Variants in DAB1 observed in about 807,000 individuals in gnomAD.
DAB1 encodes the protein DAB adaptor protein 1, also known as disabled homolog 1.
A neutral mutation model predicts 64.6 loss-of-function variants in DAB1; 15 were observed. The ratio of observed to expected loss-of-function variants is 0.23; its 90% confidence interval spans 0.16 to 0.36. The LOEUF is 0.36. Ranked by LOEUF, DAB1 falls within the 10% of genes least tolerant of loss-of-function variation. DAB1 has a pLI of 1.00. For missense variants in DAB1, 596 were observed against 706.7 expected (o/e 0.84, Z 1.78); for synonymous variants, 235 against 251.9 (o/e 0.93, Z 0.64).
intron 4 of DAB1, among the ~76,000 whole-genome samples, chr1:57,121,328 ACTCT>A (rs763565806): frequency 1.3e-5 from 2 of 151,742 alleles, no homozygotes; most frequent in Non-Finnish European, 2.9e-5. Flanking sequence ...TCACTCCCTC[ACTCT>A]CTCTATCAGG....
intron 4 of DAB1, among the ~76,000 whole-genome samples, chr1:57,107,503 A>G (rs1655279464): frequency 6.6e-6 from 1 of 152,134 alleles, no homozygotes; most frequent in East Asian, 1.9e-4. Context: ...AAGGAGCTCT[A>G]GAATTAAAGA....
chr1:57,515,374 G>T (rs1362575283), intron 7 of DAB1, among the ~76,000 whole-genome samples: 1 of 152,168 alleles, frequency 6.6e-6, no homozygotes, highest in East Asian at 1.9e-4. Flanking sequence ...TACCATCATG[G>T]CTGTCCTCTT....
At chr1:57,667,897 G>A (rs1342594993) in intron 6 of DAB1, among the ~76,000 whole-genome samples, 5 of 151,962 alleles carry the variant, frequency 3.3e-5, no homozygotes, top group Admixed American at 6.6e-5. Context: ...GCAAGGGGAG[G>A]GAGAGCATTA....
At chr1:58,158,879 C>A (rs1570429439) in intron 4 of DAB1, among the ~76,000 whole-genome samples, 1 of 152,194 alleles carries the variant, frequency 6.6e-6, no homozygotes, top group Admixed American at 6.5e-5. Context: ...CACATGCACA[C>A]AAGCACGCAC....
At chr1:57,895,749 T>C (rs537791371) in intron 5 of DAB1, among the ~76,000 whole-genome samples, 1 of 152,274 alleles carries the variant, frequency 6.6e-6, no homozygotes, top group Admixed American at 6.5e-5. Flanking sequence ...GAGTAAAGAA[T>C]AGAATCAAAA....
intron 5 of DAB1, among the ~76,000 whole-genome samples, chr1:57,996,068 G>C (rs1349110910): frequency 6.6e-6 from 1 of 152,056 alleles, no homozygotes; most frequent in Non-Finnish European, 1.5e-5. Context: ...AGATCAGCCT[G>C]GCCAACATGG....
intron 3 of DAB1, among the ~76,000 whole-genome samples, chr1:58,422,887 T>G (rs926921830): frequency 2.0e-5 from 3 of 152,170 alleles, no homozygotes; most frequent in African/African-American, 7.2e-5. Flanking sequence ...CTTCTCTCAC[T>G]TCTTCTAAAT....
chr1:58,354,104 G>C (rs1644084286), intron 3 of DAB1, among the ~76,000 whole-genome samples: 1 of 152,122 alleles, frequency 6.6e-6, no homozygotes, highest in Non-Finnish European at 1.5e-5. Context: ...TGGTCTAATG[G>C]AAGAAGCAAG....
chr1:57,557,266 T>C (rs963126525), intron 7 of DAB1, among the ~76,000 whole-genome samples: 1 of 152,172 alleles, frequency 6.6e-6, no homozygotes, highest in Non-Finnish European at 1.5e-5. Context: ...ATCTTTCTCC[T>C]GTGCTGGATG....
chr1:58,317,864 T>A (rs1662593078), intron 4 of DAB1, among the ~76,000 whole-genome samples: 1 of 152,242 alleles, frequency 6.6e-6, no homozygotes, highest in South Asian at 2.1e-4. Flanking sequence ...TACCCCTGTA[T>A]CCTGGCACCC....
At chr1:57,335,259 G>A (rs1448597005) in intron 1 of DAB1, among the ~76,000 whole-genome samples, 1 of 151,506 alleles carries the variant, frequency 6.6e-6, no homozygotes, top group Non-Finnish European at 1.5e-5. Context: ...ATTAAAAAAA[G>A]CAAAATACAT....
chr1:58,223,887 T>C (rs1224593111), intron 4 of DAB1, among the ~76,000 whole-genome samples: 1 of 152,210 alleles, frequency 6.6e-6, no homozygotes, highest in Non-Finnish European at 1.5e-5. Context: ...CTGGGTTGGA[T>C]GTGTGAAAAA....
At chr1:57,408,528 C>T (rs1683843949) in intron 1 of DAB1, among the ~76,000 whole-genome samples, 2 of 152,096 alleles carry the variant, frequency 1.3e-5, no homozygotes, top group African/African-American at 4.8e-5. Context: ...CTTTTAGATT[C>T]TGGAATTGCA....
At chr1:57,399,791 AAG>A (rs1298590496) in intron 1 of DAB1, among the ~76,000 whole-genome samples, 1 of 152,210 alleles carries the variant, frequency 6.6e-6, no homozygotes, top group Non-Finnish European at 1.5e-5. Flanking sequence ...ATTCATATTC[AAG>A]AGAGAAAAAT....
At chr1:57,185,610 T>G (rs1401450509) in intron 2 of DAB1, among the ~76,000 whole-genome samples, 3 of 152,030 alleles carry the variant, frequency 2.0e-5, no homozygotes, top group South Asian at 2.1e-4. Flanking sequence ...CAAACAGCCT[T>G]GAGAAGTAAA....
At chr1:58,034,689 T>C (rs1431525058) in intron 5 of DAB1, among the ~76,000 whole-genome samples, 5 of 152,196 alleles carry the variant, frequency 3.3e-5, no homozygotes, top group Non-Finnish European at 7.3e-5. Flanking sequence ...AAATGATTTC[T>C]TCCCATCCCA....
rs189834459 is a variant in DAB1, at chr1:57,632,906, C to G, written n.625+16686G>C. Among the ~76,000 whole-genome samples, 287 of 152,062 alleles carry G rather than the reference C, an allele frequency of 1.9e-3. 1 individual carries two copies. The highest frequency in any genetic ancestry group is 6.6e-3 in the African/African-American group (272 of 41,478). ...GGATACTTTTCTTTTAAATTTAAAG[C>G]AAATAGAATGTACTAGATTAAACAG... On this transcript the variant is annotated intron_variant and non_coding_transcript_variant, in intron 7 of 20. Coordinates refer to the DAB1 transcript ENST00000485760.
At chr1:58,354,220 G>A (rs1300618191) in intron 3 of DAB1, among the ~76,000 whole-genome samples, 4 of 151,984 alleles carry the variant, frequency 2.6e-5, no homozygotes, top group Non-Finnish European at 4.4e-5. Context: ...TTTCACTATG[G>A]TTATCTCAGT....
chr1:58,518,277 GGAGAAGAGAAGAGAA>G (rs1278778501), intron 2 of DAB1, among the ~76,000 whole-genome samples: 2 of 2,400 alleles, frequency 8.3e-4, no homozygotes, highest in African/African-American at 4.3e-3. Context: ...AGAGAGGAGA[GGAGAAGAGAAGAGAA>G]GAGAAGAGAA....
Sources: gnomAD v4.1 joint callset for allele counts (sites outside exome capture counted in the v4.1 genomes callset) on GRCh38, gnomAD v4.1.1 for gene constraint, MANE v1.5 for transcripts, NCBI Gene and HGNC (gene_info 2026-07-23, HGNC 2026-07-21) for gene names.